ZFYVE9: variants seen among roughly 807,000 people sequenced by gnomAD.
ZFYVE9 encodes the protein zinc finger FYVE-type containing 9.
Under a neutral mutation model 126.7 loss-of-function variants are expected in ZFYVE9, and 43 were observed. That is an observed-to-expected ratio of 0.34 (90% CI 0.27 to 0.44). ZFYVE9 has a LOEUF of 0.44. ZFYVE9 is among the 20% of genes least tolerant of loss of function. ZFYVE9 has a pLI of 1.00. For missense variants in ZFYVE9, 1,476 were observed against 1,697.0 expected, an observed-to-expected ratio of 0.87 and a Z score of 2.29; for synonymous variants, 521 against 597.4, an observed-to-expected ratio of 0.87 and a Z score of 1.87.
intron 4 of ZFYVE9, among the ~76,000 whole-genome samples, chr1:52,246,697 A>C (rs1032732643): frequency 8.1e-5 from 11 of 135,060 alleles, no homozygotes; most frequent in Non-Finnish European, 1.6e-4. Context: ...ACGTGTAACT[A>C]ATTTTTTTTT....
chr1:52,157,634 C>T (rs556331304), intron 1 of ZFYVE9, among the ~76,000 whole-genome samples: 95 of 151,928 alleles, frequency 6.3e-4, no homozygotes, highest in South Asian at 1.3e-3. Flanking sequence ...GAATTCCTGA[C>T]CTTAAGTGAT....
intron 9 of ZFYVE9, among the ~76,000 whole-genome samples, chr1:52,280,214 CAAAAAAAAAA>C (rs747397812): frequency 3.7e-5 from 3 of 82,056 alleles, no homozygotes; most frequent in Non-Finnish European, 7.9e-5. Context: ...TCATCCCTAC[CAAAAAAAAAA>C]AAAAAAAAAA....
Position 52,233,263 on chromosome 1 carries a change from T to C in ZFYVE9, c.57T>C (p.Phe19=). The change falls in exon 3 of 19, where the codon TTT becomes TTC. Residue 19 remains phenylalanine (F), a synonymous_variant. Coordinates refer to ENST00000287727, the MANE Select transcript of ZFYVE9 (RefSeq NM_004799.4). Reference sequence around the variant, plus strand: ...ACCTGGACAAGGTGTTAGATGAATTTGAACAAAACGAAGGTGAGAATTTAT... The same window carrying C: ...ACCTGGACAAGGTGTTAGATGAATTCGAACAAAACGAAGGTGAGAATTTAT... ...AYNLDKVLDE[F]EQNEDETVSS... is the part of the protein sequence containing the mutation. 1.3e-6 allele frequency: 2 copies of C among 1,581,808 alleles called. No homozygotes were observed. Among genetic ancestry groups the C allele is most frequent in the Non-Finnish European group, 1.7e-6 (2 of 1,161,082 alleles).
intron 1 of ZFYVE9, among the ~76,000 whole-genome samples, chr1:52,167,438 G>A (rs1187947894): frequency 6.6e-6 from 1 of 152,156 alleles, no homozygotes; most frequent in Non-Finnish European, 1.5e-5. Flanking sequence ...GAAATTGCAC[G>A]TTGCCATGAA....
intron 1 of ZFYVE9, among the ~76,000 whole-genome samples, chr1:52,146,217 C>T (rs892994399): frequency 6.6e-6 from 1 of 152,018 alleles, no homozygotes; most frequent in African/African-American, 2.4e-5. Flanking sequence ...AAATACTGTG[C>T]CATTTTATAT....
At chr1:52,214,102 G>T (rs1487260232) in intron 1 of ZFYVE9, among the ~76,000 whole-genome samples, 3 of 152,166 alleles carry the variant, frequency 2.0e-5, no homozygotes, top group Non-Finnish European at 4.4e-5. Context: ...GGGATGAGGT[G>T]CAGGTTGAAA....
At chr1:52,156,545 T>G (rs957933637) in intron 1 of ZFYVE9, among the ~76,000 whole-genome samples, 3 of 152,228 alleles carry the variant, frequency 2.0e-5, no homozygotes, top group African/African-American at 7.2e-5. Context: ...TAGCTCTTAC[T>G]CCTCAGGTCA....
At chr1:52,156,270 ATAC>A (rs915938725) in intron 1 of ZFYVE9, among the ~76,000 whole-genome samples, 2 of 152,220 alleles carry the variant, frequency 1.3e-5, no homozygotes, top group African/African-American at 4.8e-5. Flanking sequence ...TACAACAAAC[ATAC>A]TACATCTAGC....
At chr1:52,269,138 T>C (rs1333913464) in intron 7 of ZFYVE9, among the ~76,000 whole-genome samples, 1 of 152,124 alleles carries the variant, frequency 6.6e-6, no homozygotes, top group African/African-American at 2.4e-5. Context: ...TTGGATACTT[T>C]TTTTTCTTTT....
At chr1:52,295,874 G>T in intron 11 of ZFYVE9, 21 bp from the exon 12 acceptor site, 2 of 1,597,880 alleles carry the variant, frequency 1.3e-6, no homozygotes, top group South Asian at 2.3e-5. Context: ...ATTTAAGTTT[G>T]ATCATTTCTC....
intron 7 of ZFYVE9, among the ~76,000 whole-genome samples, chr1:52,270,304 C>A (rs1185789296): frequency 4.6e-5 from 7 of 152,162 alleles, no homozygotes; most frequent in Non-Finnish European, 8.8e-5. Context: ...TGCTCTGTCG[C>A]CCAGGCTGGA....
chr1:52,342,639 G>C (rs187927633), intron 17 of ZFYVE9, among the ~76,000 whole-genome samples: 198 of 148,916 alleles, frequency 1.3e-3, no homozygotes, highest in African/African-American at 4.5e-3. Context: ...GGGTTCAGGC[G>C]ATTCTCCTGC....
At chr1:52,217,638 AG>A (rs1645084608) in intron 2 of ZFYVE9, among the ~76,000 whole-genome samples, 2 of 152,210 alleles carry the variant, frequency 1.3e-5, no homozygotes, top group African/African-American at 4.8e-5. Context: ...AACAATTGCA[AG>A]GGAAGTAAAG....
At chr1:52,199,935 T>G (rs1418249354) in intron 1 of ZFYVE9, among the ~76,000 whole-genome samples, 2 of 152,154 alleles carry the variant, frequency 1.3e-5, no homozygotes, top group Non-Finnish European at 2.9e-5. Flanking sequence ...TAACAAATAA[T>G]GTGGAGTATC....
At chr1:52,175,298 A>G (rs986798426) in intron 1 of ZFYVE9, among the ~76,000 whole-genome samples, 1 of 150,440 alleles carries the variant, frequency 6.6e-6, no homozygotes, top group Non-Finnish European at 1.5e-5. Context: ...TTCTGGGTTG[A>G]AAATTCTTTT....
At chr1:52,310,571 G>A (rs1246599705) in intron 13 of ZFYVE9, among the ~76,000 whole-genome samples, 1 of 152,110 alleles carries the variant, frequency 6.6e-6, no homozygotes, top group East Asian at 1.9e-4. Flanking sequence ...TAGAACTTAA[G>A]TAACTTGCCC....
chr1:52,202,260 C>T (rs905795340), intron 1 of ZFYVE9, among the ~76,000 whole-genome samples: 15 of 151,638 alleles, frequency 9.9e-5, no homozygotes, highest in East Asian at 1.9e-4. Flanking sequence ...TTTACTCCTC[C>T]GTAGGTATAG....
intron 13 of ZFYVE9, among the ~76,000 whole-genome samples, chr1:52,304,331 C>G (rs1244901125): frequency 1.3e-5 from 2 of 151,834 alleles, no homozygotes; most frequent in Non-Finnish European, 2.9e-5. Context: ...GGTGTGATCT[C>G]AGCTCACTGC....
intron 10 of ZFYVE9, 38 bp from the exon 11 acceptor site, chr1:52,293,415 A>G (rs1645943726): frequency 9.2e-7 from 1 of 1,087,444 alleles, no homozygotes; most frequent in Non-Finnish European, 1.3e-6. Context: ...TGATTAATTT[A>G]TTGATACAAA....
Sources: allele counts gnomAD v4.1 joint callset (sites outside exome capture counted in the v4.1 genomes callset), GRCh38; gene constraint gnomAD v4.1.1; transcripts MANE v1.5; gene names NCBI Gene and HGNC (gene_info 2026-07-23, HGNC 2026-07-21).